Variants in CHRM3 observed in about 807,000 individuals in gnomAD.
The protein encoded by CHRM3 is cholinergic receptor muscarinic 3.
A neutral mutation model predicts 41.8 loss-of-function variants in CHRM3; 11 were observed. The ratio of observed to expected loss-of-function variants is 0.26; its 90% CI spans 0.17 to 0.44. CHRM3 has a LOEUF of 0.44. Among genes scored for constraint, CHRM3 ranks in the 20% least tolerant of loss-of-function variants. The pLI, the probability that CHRM3 is intolerant of heterozygous loss-of-function variation, is 1.00. For synonymous variants in CHRM3, 297 were observed against 301.4 expected (o/e 0.99, Z 0.15); for missense variants, 571 against 745.4 (o/e 0.77, Z 2.72).
chr1:239,546,239 G>A (rs1192241074), intron 3 of CHRM3: 2 of 152,160 alleles, frequency 1.3e-5, no homozygotes, highest in African/African-American at 4.8e-5. Context: ...AACTCAGTCA[G>A]AAGATGTTAA....
chr1:239,806,417 T>TACACACAC (rs5782102), intron 5 of CHRM3, among the ~76,000 whole-genome samples: 26,718 of 145,942 alleles, frequency 0.18, 2,429 homozygotes, highest in African/African-American at 0.22. Context: ...AGGATGGAGT[T>TACACACAC]ACACACACAC....
At chr1:239,712,487 GA>G (rs2148235920) in intron 5 of CHRM3, among the ~76,000 whole-genome samples, 1 of 152,330 alleles carries the variant, frequency 6.6e-6, no homozygotes, top group South Asian at 2.1e-4. Flanking sequence ...TATGCTAGCA[GA>G]AGTATGTAGT....
At chr1:239,458,866 T>G (rs150905393) in intron 1 of CHRM3, among the ~76,000 whole-genome samples, 8 of 140,558 alleles carry the variant, frequency 5.7e-5, no homozygotes, top group African/African-American at 1.9e-4. Context: ...CTCATCTGAA[T>G]GCAGAAAGAA....
At chr1:239,491,862 T>C (rs1667576097) in intron 1 of CHRM3, among the ~76,000 whole-genome samples, 1 of 152,214 alleles carries the variant, frequency 6.6e-6, no homozygotes, top group Non-Finnish European at 1.5e-5. Flanking sequence ...TAAACCCTTC[T>C]GGGTTGTTTT....
At chr1:239,561,937 T>G (rs931993707) in intron 3 of CHRM3, among the ~76,000 whole-genome samples, 30 of 152,154 alleles carry the variant, frequency 2.0e-4, no homozygotes, top group African/African-American at 6.3e-4. Flanking sequence ...GCCTTATAAT[T>G]TACCATCTCC....
In CHRM3 at chr1:239,804,352, T is replaced by A. The variant is rs540870868; in HGVS notation, c.-146-22900T>A. On this transcript the variant is annotated intron_variant, in intron 5 of 6. Coordinates refer to ENST00000676153, the MANE Select transcript of CHRM3 (RefSeq NM_001375978.1). ...AAGGTCATTCATTGTGTTTTTTTTT[T>A]ATTATTATTCATAGTGGACTGCAAT... Among the ~76,000 whole-genome samples, 12 of 144,346 alleles carry A rather than the reference T, an allele frequency of 8.3e-5. No individual in the cohort carries two copies. In the East Asian group the frequency reaches 2.5e-3, roughly 30 times the overall value. The allele number at this position is 144,346 out of a possible 152,430, so 94.7% of individuals were successfully genotyped here. A position where few individuals can be genotyped will look rare whatever the true frequency, so the allele number is the denominator to read the frequency against.
At chr1:239,720,302 C>T (rs1211140486) in intron 5 of CHRM3, 5 of 151,880 alleles carry the variant, frequency 3.3e-5, no homozygotes, top group Non-Finnish European at 5.9e-5. Flanking sequence ...AAAACTTTGC[C>T]CTAGTTTCTT....
chr1:239,573,860 CT>C (rs1427894227), intron 3 of CHRM3, among the ~76,000 whole-genome samples: 4 of 152,104 alleles, frequency 2.6e-5, no homozygotes, highest in Admixed American at 2.6e-4. Context: ...TTTTCCTTAG[CT>C]TTATCATCTG....
At chr1:239,884,849 A>G (rs1034813292) in intron 6 of CHRM3, among the ~76,000 whole-genome samples, 1 of 152,228 alleles carries the variant, frequency 6.6e-6, no homozygotes, top group African/African-American at 2.4e-5. Flanking sequence ...GACTGAATTC[A>G]TAAGAAAGAT....
At chr1:239,599,537 T>G (rs998694106) in intron 3 of CHRM3, among the ~76,000 whole-genome samples, 1 of 151,892 alleles carries the variant, frequency 6.6e-6, no homozygotes, top group Middle Eastern at 3.4e-3. Context: ...CCACCCATAC[T>G]TCCCACTGAA....
intron 6 of CHRM3, among the ~76,000 whole-genome samples, chr1:239,851,219 TAAAG>T (rs1290775973): frequency 6.6e-6 from 1 of 152,152 alleles, no homozygotes; most frequent in African/African-American, 2.4e-5. Flanking sequence ...TCTCAGAAAT[TAAAG>T]AAAATCTGAA....
intron 5 of CHRM3, among the ~76,000 whole-genome samples, chr1:239,737,891 T>C (rs375873366): frequency 1.4e-4 from 22 of 151,964 alleles, no homozygotes; most frequent in African/African-American, 4.8e-4. Flanking sequence ...ATACGGGCAA[T>C]TAAAAAACAA....
chr1:239,404,350 G>GAGAAAGAAAGAAAGAAAGAA (rs1178581793), intron 1 of CHRM3, among the ~76,000 whole-genome samples: 1 of 68,702 alleles, frequency 1.5e-5, no homozygotes, highest in Non-Finnish European at 2.8e-5. Flanking sequence ...GAAAGAGAAA[G>GAGAAAGAAAGAAAGAAAGAA]AGAAAGAAAG....
intron 3 of CHRM3, among the ~76,000 whole-genome samples, chr1:239,591,259 TTC>T (rs1305443178): frequency 6.6e-6 from 1 of 152,096 alleles, no homozygotes; most frequent in East Asian, 1.9e-4. Context: ...TGGGTCAAGC[TTC>T]TCTCCTGTGA....
At chr1:239,525,680 AT>A (rs1380287387) in intron 2 of CHRM3, among the ~76,000 whole-genome samples, 1 of 152,238 alleles carries the variant, frequency 6.6e-6, no homozygotes, top group African/African-American at 2.4e-5. Context: ...TAACAGCTTA[AT>A]TTTTTTATTT....
chr1:239,814,809 G>A (rs554200889), intron 5 of CHRM3, among the ~76,000 whole-genome samples: 1 of 152,206 alleles, frequency 6.6e-6, no homozygotes, highest in Admixed American at 6.5e-5. Flanking sequence ...TTGAGACACA[G>A]TCTTTCTCTG....
At chr1:239,469,550 AT>A (rs1287911309) in intron 1 of CHRM3, among the ~76,000 whole-genome samples, 3 of 152,062 alleles carry the variant, frequency 2.0e-5, no homozygotes, top group Non-Finnish European at 4.4e-5. Flanking sequence ...TTTTTAAAAA[AT>A]TTTTTTATTT....
chr1:239,870,472 G>A (rs1340380840), intron 6 of CHRM3, among the ~76,000 whole-genome samples: 2 of 152,182 alleles, frequency 1.3e-5, no homozygotes, highest in Non-Finnish European at 2.9e-5. Context: ...CTTCCCGGGA[G>A]CGCTAGACAG....
intron 6 of CHRM3, among the ~76,000 whole-genome samples, chr1:239,849,636 G>A (rs6703395): frequency 0.049 from 7,514 of 152,208 alleles, 625 homozygotes; most frequent in African/African-American, 0.17. Context: ...AGTAGCAAAA[G>A]GTACAAGTTT....
Sources: allele counts gnomAD v4.1 joint callset (sites outside exome capture counted in the v4.1 genomes callset), GRCh38; gene constraint gnomAD v4.1.1; transcripts MANE v1.5; gene names NCBI Gene and HGNC (gene_info 2026-07-23, HGNC 2026-07-21).